PADI2: variants seen among roughly 807,000 people sequenced by gnomAD.
PADI2 encodes the protein peptidyl arginine deiminase 2.
Under a neutral mutation model 81.1 loss-of-function variants are expected in PADI2, and 70 were observed. The observed-to-expected ratio is 0.86, with a 90% CI of 0.71 to 1.05. The LOEUF is 1.05. Among genes scored for constraint, PADI2 ranks in the 50% least tolerant of loss-of-function variants. PADI2 has a pLI of 0.00. For synonymous variants in PADI2, 338 were observed against 358.0 expected, an observed-to-expected ratio of 0.94 and a Z score of 0.63; for missense variants, 853 against 889.9, an observed-to-expected ratio of 0.96 and a Z score of 0.53.
At chr1:17,118,981 G>A (rs1025328231) in intron 1 of PADI2, among the ~76,000 whole-genome samples, 7 of 152,150 alleles carry the variant, frequency 4.6e-5, no homozygotes, top group Non-Finnish European at 8.8e-5. Context: ...GAGGTCCCCC[G>A]GGAGGAGAAC....
intron 13 of PADI2, among the ~76,000 whole-genome samples, chr1:17,071,727 A>C (rs2078265853): frequency 6.6e-6 from 1 of 152,194 alleles, no homozygotes; most frequent in Admixed American, 6.5e-5. Context: ...GAGCCAGGAC[A>C]GTGGTGGCAG....
chr1:17,092,548 G>A lies in PADI2; in HGVS notation c.530-15C>T, dbSNP rs1225623215. 2 of 1,574,710 alleles carry A rather than the reference G, an allele frequency of 1.3e-6. No individual in the cohort carries two copies. The highest frequency in any genetic ancestry group is 2.3e-5 in the East Asian group (1 of 43,528). On this transcript the variant is annotated splice_polypyrimidine_tract_variant and intron_variant, in intron 5 of 15. Coordinates refer to ENST00000375486, the MANE Select transcript of PADI2 (RefSeq NM_007365.3). ...GTCCTTGAGATCTGAGGGACAGAAG[G>A]TGAGAATGAAGAGATCTATCTGTTG...
At chr1:17,080,892 G>A (rs2078339199) in intron 10 of PADI2, among the ~76,000 whole-genome samples, 1 of 152,242 alleles carries the variant, frequency 6.6e-6, no homozygotes, top group Non-Finnish European at 1.5e-5. Context: ...TCCAGGGACA[G>A]CTGAGCCCAT....
rs553136582 is a variant in PADI2, at chr1:17,069,294, C to A, written c.1765-17G>T. On this transcript the variant is annotated splice_polypyrimidine_tract_variant and intron_variant, in intron 15 of 15. Coordinates refer to ENST00000375486, the MANE Select transcript of PADI2 (RefSeq NM_007365.3). ...CATGTTCACCTGTGACGGGGGATTGCGATGGCAACAGCTTCCATTTAGTGA... is the reference window on the plus strand; with the variant it reads ...CATGTTCACCTGTGACGGGGGATTGAGATGGCAACAGCTTCCATTTAGTGA... 3.8e-6 allele frequency: 6 copies of A among 1,594,344 alleles called. No homozygotes were observed. The highest frequency in any genetic ancestry group is 2.2e-5 in the East Asian group (1 of 44,746).
chr1:17,088,965 G>T (rs1345333603), intron 6 of PADI2, among the ~76,000 whole-genome samples: 1 of 145,058 alleles, frequency 6.9e-6, no homozygotes, highest in African/African-American at 2.6e-5. Flanking sequence ...ACCTCCCTGA[G>T]CCTCAGTTTA....
chr1:17,079,162 C>T, intron 11 of PADI2, 102 bp downstream of exon 11: 2 of 971,116 alleles, frequency 2.1e-6, no homozygotes, highest in South Asian at 1.7e-5. Context: ...GAATAATTCC[C>T]CCAGCCACTT....
chr1:17,089,353 C>T (rs745836927), intron 6 of PADI2, among the ~76,000 whole-genome samples: 2 of 152,228 alleles, frequency 1.3e-5, no homozygotes, highest in Non-Finnish European at 2.9e-5. Flanking sequence ...GCACTCGGGC[C>T]CTCCCATGCC....
At chr1:17,090,617 G>GTGTGTGTGTC (rs1162994338) in intron 6 of PADI2, among the ~76,000 whole-genome samples, 34 of 150,044 alleles carry the variant, frequency 2.3e-4, no homozygotes, top group Admixed American at 1.7e-3. Flanking sequence ...GTGTGTGTGT[G>GTGTGTGTGTC]TCTAAGAGTT....
At chr1:17,089,058 A>G (rs528827472) in intron 6 of PADI2, among the ~76,000 whole-genome samples, 1 of 152,272 alleles carries the variant, frequency 6.6e-6, no homozygotes, top group African/African-American at 2.4e-5. Context: ...CAGTAACCTC[A>G]GTAACCATGG....
At chr1:17,086,808 A>C in intron 6 of PADI2, 109 bp from the exon 7 acceptor site, 1 of 869,606 alleles carries the variant, frequency 1.1e-6, no homozygotes, top group Non-Finnish European at 1.8e-6. Flanking sequence ...CTCTAGACAG[A>C]GAGAAAAGCA....
chr1:17,090,244 C>A (rs1478968239), intron 6 of PADI2, among the ~76,000 whole-genome samples: 3 of 152,238 alleles, frequency 2.0e-5, no homozygotes, highest in Non-Finnish European at 2.9e-5. Flanking sequence ...GTGCCTGACA[C>A]ACCTTCCTCA....
At chr1:17,081,681 G>A (rs2078344811) in intron 10 of PADI2, among the ~76,000 whole-genome samples, 1 of 152,244 alleles carries the variant, frequency 6.6e-6, no homozygotes, top group Non-Finnish European at 1.5e-5. Flanking sequence ...CAGGGCAGAA[G>A]AGTGCAGACA....
chr1:17,103,974 AT>A (rs1319520957), intron 2 of PADI2, among the ~76,000 whole-genome samples: 2 of 151,292 alleles, frequency 1.3e-5, no homozygotes, highest in Non-Finnish European at 2.9e-5. Flanking sequence ...TCAGAGTGAG[AT>A]CCTGTCTCTT....
At chr1:17,109,663 G>A (rs1469164781) in intron 1 of PADI2, among the ~76,000 whole-genome samples, 1 of 151,700 alleles carries the variant, frequency 6.6e-6, no homozygotes, top group East Asian at 2.0e-4. Context: ...GCTAAATTTT[G>A]TATTTTTAGT....
intron 4 of PADI2, 141 bp from the exon 5 acceptor site, chr1:17,093,825 C>A (rs1349978042): frequency 3.5e-6 from 2 of 578,842 alleles, no homozygotes; most frequent in Non-Finnish European, 3.1e-6. Context: ...AAATGTGAAT[C>A]TCAAGACTGA....
intron 3 of PADI2, 21 bp from the exon 4 acceptor site, chr1:17,095,991 T>A: frequency 6.3e-7 from 1 of 1,591,862 alleles, no homozygotes. Context: ...GAGACATGGG[T>A]GAGTTGCTGA....
At chr1:17,103,666 C>CT (rs2101604179) in intron 2 of PADI2, among the ~76,000 whole-genome samples, 1 of 151,874 alleles carries the variant, frequency 6.6e-6, no homozygotes, top group South Asian at 2.1e-4. Flanking sequence ...GGTCTAACCC[C>CT]ACAACATCCA....
chr1:17,076,487 A>G (rs984498959), intron 11 of PADI2, among the ~76,000 whole-genome samples: 1 of 152,176 alleles, frequency 6.6e-6, no homozygotes, highest in Non-Finnish European at 1.5e-5. Context: ...TGCTGGGATT[A>G]CAGGTGTGAG....
At chr1:17,076,268 A>G (rs12138461) in intron 11 of PADI2, among the ~76,000 whole-genome samples, 90,591 of 151,138 alleles carry the variant, frequency 0.6, 27,527 homozygotes, top group Middle Eastern at 0.7. Flanking sequence ...AGGCTGGAGT[A>G]GAGTGGCATG....
Sources: gnomAD v4.1 joint callset for allele counts (sites outside exome capture counted in the v4.1 genomes callset) on GRCh38, gnomAD v4.1.1 for gene constraint, MANE v1.5 for transcripts, NCBI Gene and HGNC (gene_info 2026-07-23, HGNC 2026-07-21) for gene names.